Variants in PGM3 observed in about 807,000 individuals in gnomAD.
PGM3 encodes phosphoglucomutase 3.
Under a neutral mutation model 66.2 loss-of-function variants are expected in PGM3, and 40 were observed. That is an observed-to-expected ratio of 0.60 (90% CI 0.47 to 0.79). PGM3 has a LOEUF of 0.79. PGM3 is among the 30% of genes least tolerant of loss of function. PGM3 has a pLI of 0.00. For missense variants in PGM3, 537 were observed against 643.4 expected (o/e 0.83, Z 1.79); for synonymous variants, 191 against 224.2 (o/e 0.85, Z 1.32).
chr6:83,181,052 A>C (rs191766218), intron 6 of PGM3, among the ~76,000 whole-genome samples: 21 of 152,348 alleles, frequency 1.4e-4, no homozygotes, highest in African/African-American at 5.1e-4. Context: ...GCAGCCAGCC[A>C]AACAAAACAT....
At chr6:83,155,299 A>C in the PGM3 span, among the ~76,000 whole-genome samples, 2 of 137,472 alleles carry the variant, frequency 1.5e-5, no homozygotes, top group African/African-American at 2.8e-5. Context: ...CCAGCTCTAC[A>C]AAAAAAAAAA....
At position 83,164,885 on chromosome 6, in the gene PGM3, C is replaced by T; in HGVS notation, c.*4349G>A. The T allele has an allele frequency of 1.7e-6, 1 of 587,262 alleles. No homozygotes were observed. Among genetic ancestry groups the T allele is most frequent in the South Asian group, 2.2e-5 (1 of 45,882 alleles). 36.4% of individuals were successfully genotyped at this position (587,262 alleles called of 1,614,324 possible). A position where few individuals can be genotyped will look rare whatever the true frequency, so the allele number is the denominator to read the frequency against. ...AAAGGAGAAATCATTTGTATGGAAA[C>T]ATTTGACTTTATTTAATATTGAGAC... On this transcript the variant is annotated 3_prime_UTR_variant, in exon 13 of 13. Coordinates refer to ENST00000513973, the MANE Select transcript of PGM3 (RefSeq NM_015599.3).
rs1474501530 is a variant in PGM3 at position 83,168,373 on chromosome 6, GCCT to G, written c.*858_*860del. The G allele has an allele frequency of 4.2e-5, 57 of 1,372,048 alleles. No individual in the cohort carries two copies. The South Asian group carries it at 8.8e-4, about 21-fold the overall frequency. The allele number at this position is 1,372,048 out of a possible 1,614,324, so 85.0% of individuals were successfully genotyped here. A position where few individuals can be genotyped will look rare whatever the true frequency, so the allele number is the denominator to read the frequency against. On this transcript the variant is annotated 3_prime_UTR_variant, in exon 13 of 13. Transcript: ENST00000513973. ...ATTGTTGGCTCATACTGATTATGGT[GCCT>G]AAGAGAGCTATATATATACACATGT...
chr6:83,191,384 T>C (rs1789037171), intron 1 of PGM3: 1 of 681,904 alleles, frequency 1.5e-6, no homozygotes, highest in African/African-American at 1.8e-5. Flanking sequence ...CATTTCATTT[T>C]ACAAAAAGGG....
the PGM3 span, chr6:83,153,335 G>A: frequency 2.3e-6 from 1 of 443,662 alleles, no homozygotes; most frequent in African/African-American, 2.1e-5. Flanking sequence ...TAGTAACAAT[G>A]TACAAAAAAG....
At chr6:83,181,624 A>C in intron 6 of PGM3, 112 bp downstream of exon 6, 2 of 710,822 alleles carry the variant, frequency 2.8e-6, no homozygotes, top group East Asian at 5.2e-5. Context: ...TAAATGTGGC[A>C]GAGCCAGGAA....
rs916996793 is a variant in PGM3 at position 83,166,449 on chromosome 6, T to A, written c.*2785A>T. The A allele has an allele frequency of 1.4e-6, 1 of 701,814 alleles. No individual in the cohort carries two copies. The highest frequency in any genetic ancestry group is 2.7e-5 in the East Asian group (1 of 37,276). The allele number at this position is 701,814 out of a possible 1,614,324, so 43.5% of individuals were successfully genotyped here. A position where few individuals can be genotyped will look rare whatever the true frequency, so the allele number is the denominator to read the frequency against. Reference sequence around the variant, plus strand: ...AATGCATTGTTGATGTTGTGTGTTGTCTCTGCTGCTTTATAACCTATTTTG... The same window carrying A: ...AATGCATTGTTGATGTTGTGTGTTGACTCTGCTGCTTTATAACCTATTTTG... On this transcript the variant is annotated 3_prime_UTR_variant, in exon 13 of 13. Transcript: ENST00000513973.
In PGM3 at chr6:83,181,789, A is replaced by C. The variant is rs2128497354; in HGVS notation, c.734T>G (p.Leu245Arg). 1 of 1,613,768 alleles carries C rather than the reference A, an allele frequency of 6.2e-7. No homozygotes were observed. Among genetic ancestry groups the C allele is most frequent in the Non-Finnish European group, 8.5e-7 (1 of 1,179,902 alleles). The change falls in exon 6 of 13, where the codon CTC (leucine) becomes CGC (arginine). Residue 245 changes from leucine (L) to arginine (R), a missense_variant. Physicochemically the swap from Leu to Arg is moderately radical, Grantham distance 102. Coordinates refer to ENST00000513973, the MANE Select transcript of PGM3 (RefSeq NM_015599.3). ...AAAGTCAGCTCCACATAAATGATTG[A>C]GTTTGCCCTTGGACCCATCATTAAA... ...QLFNDGSKGK[L>R]NHLCGADFVK...
chr6:83,179,873 A>G lies in PGM3; in HGVS notation c.882T>C (p.His294=), dbSNP rs1342112728. The G allele has an allele frequency of 6.2e-7, 1 of 1,613,420 alleles. No individual in the cohort carries two copies. Among genetic ancestry groups the G allele is most frequent in the East Asian group, 2.2e-5 (1 of 44,868 alleles). ...TTGCTATCTTGTCTCCATCTATGAG[A>G]TGAAAGTGGCCATCTGCATCATGGT... ...YYYHDADGHF[H]LIDGDKIATL... is the part of the protein sequence containing the mutation. The change falls in exon 7 of 13, where the codon CAT becomes CAC. Residue 294 remains histidine (H), a synonymous_variant. Transcript: ENST00000513973.
intron 4 of PGM3, among the ~76,000 whole-genome samples, chr6:83,184,325 A>C (rs1788416686): frequency 1.3e-5 from 2 of 152,172 alleles, no homozygotes; most frequent in South Asian, 4.1e-4. Context: ...GGCAAAAAGG[A>C]GTCACTTTAA....
chr6:83,151,699 G>A, the PGM3 span: 1 of 1,558,104 alleles, frequency 6.4e-7, no homozygotes, highest in Non-Finnish European at 8.7e-7. Flanking sequence ...CTGTTTCTCA[G>A]TGCCCTCAAT....
downstream of PGM3, chr6:83,157,417 C>A: frequency 7.7e-7 from 1 of 1,298,886 alleles, no homozygotes; most frequent in Non-Finnish European, 1.1e-6. Flanking sequence ...TGGGAGAGAA[C>A]TGAGCTGTAG....
At chr6:83,154,634 C>T in the PGM3 span, among the ~76,000 whole-genome samples, 6 of 152,038 alleles carry the variant, frequency 3.9e-5, no homozygotes, top group Non-Finnish European at 8.8e-5. Flanking sequence ...GGCAGGCAGT[C>T]GAATCCAGCC....
Position 83,165,501 on chromosome 6 carries a change from T to A in PGM3, c.*3733A>T, listed in dbSNP as rs1166660684. The A allele has an allele frequency of 1.3e-5, 2 of 154,528 alleles. No homozygotes were observed. The highest frequency in any genetic ancestry group is 2.4e-5 in the African/African-American group (1 of 41,524). 9.6% of individuals were successfully genotyped at this position (154,528 alleles called of 1,614,324 possible). On this transcript the variant is annotated 3_prime_UTR_variant, in exon 13 of 13. Transcript: ENST00000513973. ...TAACTAGGTTCACACAAATCTTTATTAATTAAAATAGGAACCATTACAATC... is the reference window on the plus strand; with the variant it reads ...TAACTAGGTTCACACAAATCTTTATAAATTAAAATAGGAACCATTACAATC...
At chr6:83,173,212 C>T (rs1311992747) in intron 10 of PGM3, among the ~76,000 whole-genome samples, 1 of 152,074 alleles carries the variant, frequency 6.6e-6, no homozygotes, top group Non-Finnish European at 1.5e-5. Flanking sequence ...TCACATGCAG[C>T]ATGATTAAAT....
chr6:83,158,629 T>G (rs1783407499), downstream of PGM3: 1 of 1,593,866 alleles, frequency 6.3e-7, no homozygotes, highest in Non-Finnish European at 8.6e-7. Flanking sequence ...CACGGTAATA[T>G]GTAATTTAAA....
upstream of PGM3, chr6:83,193,352 T>C (rs1215279280): frequency 6.9e-6 from 1 of 145,600 alleles, no homozygotes; most frequent in African/African-American, 2.5e-5. Context: ...CGCCCCCGCC[T>C]CGCCGCAGGT....
At chr6:83,169,724 T>G in intron 12 of PGM3, 1 of 458,724 alleles carries the variant, frequency 2.2e-6, no homozygotes, top group South Asian at 1.5e-5. Context: ...AGCTGCCAAA[T>G]GTCTCCTCCT....
At chr6:83,153,757 T>C in the PGM3 span, 4 of 1,167,384 alleles carry the variant, frequency 3.4e-6, no homozygotes, top group Non-Finnish European at 4.7e-6. Flanking sequence ...AAAAAATTCA[T>C]ATATTATTTT....
Sources: gnomAD v4.1 joint callset for allele counts (sites outside exome capture counted in the v4.1 genomes callset) on GRCh38, gnomAD v4.1.1 for gene constraint, MANE v1.5 for transcripts, NCBI Gene and HGNC (gene_info 2026-07-23, HGNC 2026-07-21) for gene names.